ADGRF1: variants seen among roughly 807,000 people sequenced by gnomAD.
The protein encoded by ADGRF1 is adhesion G protein-coupled receptor F1.
ADGRF1 carries 85 observed loss-of-function variants against 87.2 expected under a neutral mutation model. The observed-to-expected ratio is 0.97, with a 90% CI of 0.82 to 1.17. ADGRF1 has a LOEUF of 1.17. ADGRF1 is among the 50% of genes most tolerant of loss of function. The pLI is 0.00. For missense variants in ADGRF1, 1,169 were observed against 1,077.2 expected (o/e 1.09, Z -1.19); for synonymous variants, 430 against 408.8 (o/e 1.05, Z -0.63).
chr6:47,005,686 T>C, intron 13 of ADGRF1, 131 bp downstream of exon 13: 1 of 596,186 alleles, frequency 1.7e-6, no homozygotes, highest in East Asian at 2.9e-5. Context: ...CCATGTCAGA[T>C]ACCAGGAATA....
chr6:47,020,910 G>A, intron 6 of ADGRF1, 121 bp from the exon 7 acceptor site: 2 of 737,894 alleles, frequency 2.7e-6, no homozygotes, highest in Non-Finnish European at 2.3e-6. Flanking sequence ...AAAGAAAAGA[G>A]ACACAGTGGG....
Position 47,041,257 on chromosome 6 carries a change from A to G in ADGRF1, c.-44+934T>C, listed in dbSNP as rs73480770. 4.8e-3 allele frequency among the ~76,000 whole-genome samples: 726 copies of G among 152,370 alleles called. 6 individuals carry two copies. Among genetic ancestry groups the G allele is most frequent in the African/African-American group, 0.016 (681 of 41,588 alleles). ...GGTGTTTTCTTAATGACAACAGAGC[A>G]TAATAAAAGGCTTGTGTTAATATTC... On this transcript the variant is annotated intron_variant, in intron 1 of 14. Coordinates refer to ENST00000371253, the MANE Select transcript of ADGRF1 (RefSeq NM_153840.4).
intron 2 of ADGRF1, among the ~76,000 whole-genome samples, chr6:47,028,096 G>A (rs1780299272): frequency 6.6e-6 from 1 of 152,172 alleles, no homozygotes; most frequent in Non-Finnish European, 1.5e-5. Context: ...TTTTCCTTGA[G>A]CGAGATGAGA....
chr6:47,000,606 A>G (rs1284284794), intron 14 of ADGRF1, among the ~76,000 whole-genome samples: 2 of 152,152 alleles, frequency 1.3e-5, no homozygotes, highest in Admixed American at 6.5e-5. Flanking sequence ...TTAGCTTTTT[A>G]TTTTATAGAT....
intron 5 of ADGRF1, among the ~76,000 whole-genome samples, chr6:47,023,458 G>C (rs1174365802): frequency 2.0e-5 from 3 of 152,134 alleles, no homozygotes; most frequent in Admixed American, 2.0e-4. Context: ...TTATGTCCTG[G>C]AGTCCATGTC....
chr6:47,014,771 G>A lies in ADGRF1; in HGVS notation c.837C>T (p.Tyr279=). 2.5e-6 allele frequency: 4 copies of A among 1,613,998 alleles called. No individual in the cohort carries two copies. The highest frequency in any genetic ancestry group is 2.2e-5 in the East Asian group (1 of 44,856). ...CACACTTGGCTGTGATGTTTCCCCT[G>A]TAGCCACTGCTGCAGGGCAGGGTAT... ...DEYTLPCSSG[Y]RGNITAKCES... is the part of the protein sequence containing the mutation. The change falls in exon 9 of 15, where the codon TAC becomes TAT. Residue 279 remains tyrosine, a synonymous_variant. Coordinates refer to ENST00000371253, the MANE Select transcript of ADGRF1 (RefSeq NM_153840.4).
chr6:47,001,451 C>T (rs745372438), intron 14 of ADGRF1, 50 bp downstream of exon 14: 4 of 1,431,952 alleles, frequency 2.8e-6, no homozygotes, highest in Admixed American at 1.7e-5. Context: ...ATGATATACT[C>T]ATATACTCTT....
At chr6:47,034,793 T>C (rs1261046510) in intron 1 of ADGRF1, among the ~76,000 whole-genome samples, 1 of 152,208 alleles carries the variant, frequency 6.6e-6, no homozygotes, top group Admixed American at 6.5e-5. Context: ...GAGTCCAGTT[T>C]GTGACCCTAC....
intron 7 of ADGRF1, chr6:47,018,269 AAGTCAATCCTGCAATAACTC>A: frequency 1.5e-6 from 1 of 658,804 alleles, no homozygotes; most frequent in Non-Finnish European, 2.2e-6. Context: ...TCAATACATT[AAGTCAATCCTGCAATAACTC>A]ATGAGATAAG....
At position 47,009,937 on chromosome 6, in the gene ADGRF1, G is replaced by A. The variant is rs1170626505; in HGVS notation, c.1498C>T (p.Gln500Ter). 1.9e-6 allele frequency: 3 copies of A among 1,614,106 alleles called. No homozygotes were observed. In the East Asian group the frequency reaches 6.7e-5, roughly 36 times the overall value. The change falls in exon 11 of 15, where the codon CAG becomes TAG. Residue 500 changes from glutamine (Q) to a stop codon, truncating the protein, a stop_gained. Coordinates refer to ENST00000371253, the MANE Select transcript of ADGRF1 (RefSeq NM_153840.4). LOFTEE classifies it high-confidence loss of function. ...ILPVSKNGNA[Q>*]VNGPVISTVI... Reference sequence around the variant, plus strand: ...GTGGATATCACAGGTCCATTGACCTGAGCATTTCCATTTTTGGAAACGGGT... The same window carrying A: ...GTGGATATCACAGGTCCATTGACCTAAGCATTTCCATTTTTGGAAACGGGT...
Position 47,009,277 on chromosome 6 carries a change from C to A in ADGRF1, c.2158G>T (p.Val720Phe). Residue 720 changes from valine (V) to phenylalanine (F), a missense_variant, in exon 11 of 15, where the codon GTC (valine) becomes TTC (phenylalanine). Physicochemically the swap from Val to Phe is conservative, Grantham distance 50 (BLOSUM62 -1). Coordinates refer to ENST00000371253, the MANE Select transcript of ADGRF1 (RefSeq NM_153840.4). ...TTGTAGGTATTGCTAGGTTGCGTGA[C>A]AGCAATGGTAATGACAGATATAATG... ...PLIISVITIA[V>F]TQPSNTYKRK... 6.2e-7 allele frequency: 1 copy of A among 1,614,108 alleles called. No homozygotes were observed. The highest frequency in any genetic ancestry group is 8.5e-7 in the Non-Finnish European group (1 of 1,180,010).
At chr6:47,027,950 G>A (rs1780292425) in intron 2 of ADGRF1, among the ~76,000 whole-genome samples, 189 bp from the exon 3 acceptor site, 1 of 152,080 alleles carries the variant, frequency 6.6e-6, no homozygotes, top group Non-Finnish European at 1.5e-5. Context: ...GAATATGCCT[G>A]GCAGGTAAAG....
intron 12 of ADGRF1, 83 bp from the exon 13 acceptor site, chr6:47,005,959 GT>G: frequency 1.2e-6 from 1 of 803,320 alleles, no homozygotes; most frequent in Non-Finnish European, 2.0e-6. Flanking sequence ...GGTTGAAATG[GT>G]TATTTAATAG....
chr6:47,010,159 G>T lies in ADGRF1; in HGVS notation c.1276C>A (p.Arg426=). ...ATCCCTTTCCAGTCAATGAATTTCC[G>T]AGAAAAATTCAGAGGAAGAGCTGTC... is the stretch of plus-strand genomic sequence containing the variant. ...PPTALPLNFS[R]KFIDWKGIPV... The change falls in exon 11 of 15, where the codon CGG becomes AGG. Residue 426 remains arginine (R), a synonymous_variant. Transcript: ENST00000371253. 2 of 1,614,146 alleles carry T rather than the reference G, an allele frequency of 1.2e-6. No individual in the cohort carries two copies. The highest frequency in any genetic ancestry group is 8.5e-7 in the Non-Finnish European group (1 of 1,180,026).
intron 11 of ADGRF1, among the ~76,000 whole-genome samples, chr6:47,008,645 C>T (rs1289671347): frequency 6.6e-6 from 1 of 152,134 alleles, no homozygotes; most frequent in African/African-American, 2.4e-5. Context: ...AATTTTTTCC[C>T]AGAGTTCTGC....
At position 47,015,574 on chromosome 6, in the gene ADGRF1, C is replaced by CTATTTATTTATTTATTTATT. The variant is rs374537407; in HGVS notation, c.764-750_764-731dup. On this transcript the variant is annotated intron_variant, in intron 8 of 14. Transcript: ENST00000371253. ...TACAGGTGCACACCACGATGCCTGG[C>CTATTTATTTATTTATTTATT]TATTTATTTATTTATTTATTTATTT... Among the ~76,000 whole-genome samples the CTATTTATTTATTTATTTATT allele has an allele frequency of 2.4e-3, 353 of 149,280 alleles. 1 individual carries two copies. The highest frequency in any genetic ancestry group is 7.7e-3 in the African/African-American group (306 of 39,592).
chr6:47,024,515 T>C (rs1780166726), intron 4 of ADGRF1, among the ~76,000 whole-genome samples: 1 of 152,136 alleles, frequency 6.6e-6, no homozygotes, highest in Admixed American at 6.5e-5. Flanking sequence ...TATTTTGCCA[T>C]GTTGGCCAGG....
chr6:47,037,043 A>G (rs1257284620), intron 1 of ADGRF1, among the ~76,000 whole-genome samples: 3 of 152,190 alleles, frequency 2.0e-5, no homozygotes, highest in African/African-American at 4.8e-5. Context: ...AAAGGTTTAT[A>G]TATGTTGAGT....
chr6:47,017,084 A>G (rs191297118), intron 7 of ADGRF1: 35 of 155,364 alleles, frequency 2.3e-4, no homozygotes, highest in South Asian at 4.1e-4. Context: ...AGCTATGCAA[A>G]GAAGAAAAGG....
Sources: gnomAD v4.1 joint callset for allele counts (sites outside exome capture counted in the v4.1 genomes callset) on GRCh38, gnomAD v4.1.1 for gene constraint, MANE v1.5 for transcripts, NCBI Gene and HGNC (gene_info 2026-07-23, HGNC 2026-07-21) for gene names.